Variants in MYO7B observed in about 807,000 individuals in gnomAD.
MYO7B encodes the protein unconventional myosin-VIIb.
A neutral mutation model predicts 259.7 loss-of-function variants in MYO7B; 212 were observed. The ratio of observed to expected loss-of-function variants is 0.82; its 90% CI spans 0.73 to 0.91. The LOEUF (loss-of-function observed/expected upper bound fraction) is 0.91, where lower values mean the gene tolerates loss of function less well. MYO7B is among the 40% of genes least tolerant of loss of function. The probability of loss-of-function intolerance (pLI) is 0.00; values close to 1 mark genes in which losing one functional copy is unlikely to be tolerated. For missense variants in MYO7B, 2,732 were observed against 2,813.5 expected, an observed-to-expected ratio of 0.97 and a Z score of 0.66; for synonymous variants, 1,197 against 1,166.4, an observed-to-expected ratio of 1.03 and a Z score of -0.54.
chr2:127,552,265 G>A (rs1001528243), intron 1 of MYO7B, among the ~76,000 whole-genome samples: 17 of 152,174 alleles, frequency 1.1e-4, no homozygotes, highest in African/African-American at 3.9e-4. Flanking sequence ...CCATTTACAA[G>A]TTTTGATCTG....
rs747220212 is a variant in MYO7B at position 127,625,507 on chromosome 2, C to T, written c.4187C>T (p.Ala1396Val). 10 of 1,605,170 alleles carry T rather than the reference C, an allele frequency of 6.2e-6. No individual in the cohort carries two copies. The highest frequency in any genetic ancestry group is 5.4e-5 in the African/African-American group (4 of 74,580). ...LYRTKPPDRW[A>V]SLVTAACAKA... The stretch of plus-strand genomic sequence containing the variant: ...AGGACCAAGCCCCCAGACAGGTGGG[C>T]GAGCCTCGTCACTGCCGCCTGCGCC... Residue 1396 changes from alanine (A) to valine (V), a missense_variant, in exon 31 of 48, where the codon GCG becomes GTG. Around this residue, in one of 3 missense-constraint regions of MYO7B, gnomAD observed 1,906 missense variants for 2,026.4 expected, o/e 0.94. Transcript: ENST00000409816.
rs550572600 is a variant in MYO7B, at chr2:127,597,060, A to G, written c.2339+504A>G. Among the ~76,000 whole-genome samples, 1 of 152,344 alleles carries G rather than the reference A, an allele frequency of 6.6e-6. No individual in the cohort carries two copies. The highest frequency in any genetic ancestry group is 1.9e-4 in the East Asian group (1 of 5,182). On this transcript the variant is annotated intron_variant, in intron 19 of 47. Coordinates refer to ENST00000409816, the MANE Select transcript of MYO7B (RefSeq NM_001393586.1). This position sits in a 1 kb window ranked among gnomAD's most constrained non-coding sequence, Gnocchi z 4.8. ...AAACCCAGGCATGAGAAAGTAGAAG[A>G]CAGCCAGCCCCGGGAATAGAGAATG...
rs940386151 is a variant in MYO7B at position 127,597,929 on chromosome 2, C to T, written c.2339+1373C>T. On this transcript the variant is annotated intron_variant, in intron 19 of 47. Transcript: ENST00000409816. The surrounding 1 kb of genome is among the most constrained non-coding windows in gnomAD (Gnocchi z 4.8). ...CTGGGATTGCAGGTGTGAGCCACTG[C>T]GCCCAGCCAGTATTTTGTTACTTTT... Among the ~76,000 whole-genome samples, 20 of 152,212 alleles carry T rather than the reference C, an allele frequency of 1.3e-4. No homozygotes were observed. Among genetic ancestry groups the T allele is most frequent in the African/African-American group, 3.6e-4 (15 of 41,542 alleles).
At chr2:127,558,787 G>A (rs962047151) in intron 1 of MYO7B, among the ~76,000 whole-genome samples, 6 of 152,130 alleles carry the variant, frequency 3.9e-5, no homozygotes, top group Admixed American at 6.6e-5. Flanking sequence ...GAAGTAACTC[G>A]GGAATGGAAA....
chr2:127,626,398 C>G (rs1233037406), intron 31 of MYO7B: 1 of 153,762 alleles, frequency 6.5e-6, no homozygotes, highest in African/African-American at 2.4e-5. Context: ...CCACAGCTAG[C>G]GCAGCCCCGC....
At position 127,590,996 on chromosome 2, in the gene MYO7B, A is replaced by G. The variant is rs1254212091; in HGVS notation, c.1992+767A>G. Among the ~76,000 whole-genome samples the G allele has an allele frequency of 6.6e-6, 1 of 152,214 alleles. No homozygotes were observed. The highest frequency in any genetic ancestry group is 1.5e-5 in the Non-Finnish European group (1 of 68,028). ...ATTGCTTGAGGCAAGCCTGGGCAACATAGTAAGACCTTATCTCTGCAAAAA... is the reference window on the plus strand; with the variant it reads ...ATTGCTTGAGGCAAGCCTGGGCAACGTAGTAAGACCTTATCTCTGCAAAAA... On this transcript the variant is annotated intron_variant, in intron 16 of 47. Coordinates refer to ENST00000409816, the MANE Select transcript of MYO7B (RefSeq NM_001393586.1). The surrounding 1 kb of genome is among the most constrained non-coding windows in gnomAD (Gnocchi z 4.6).
chr2:127,633,388 G>C (rs376432959), intron 40 of MYO7B, 25 bp downstream of exon 40: 1 of 1,607,390 alleles, frequency 6.2e-7, no homozygotes, highest in Non-Finnish European at 8.5e-7. Flanking sequence ...TGGTCTGCAC[G>C]GCAAGTCTCA....
In MYO7B at chr2:127,582,529, G is replaced by C. The variant is rs184895813; in HGVS notation, c.1343+83G>C. On this transcript the variant is annotated intron_variant, in intron 12 of 47. Transcript: ENST00000409816. ...CCTCTCGAAGGGGGCAAGTTGGAGGGGAGCCGTCACCCTGCACCCAGGCCT... is the reference window on the plus strand; with the variant it reads ...CCTCTCGAAGGGGGCAAGTTGGAGGCGAGCCGTCACCCTGCACCCAGGCCT... The C allele has an allele frequency of 4.3e-4, 642 of 1,506,736 alleles. 7 individuals are homozygous for C. The African/African-American group carries it at 7.9e-3, about 18-fold the overall frequency. 93.3% of individuals were successfully genotyped at this position (1,506,736 alleles called of 1,614,324 possible).
rs548814846 is a variant in MYO7B, at chr2:127,539,476, G to T, written c.-24+3645G>T. ...TTTCCTGTTGCAATGTCATGAAGGG[G>T]ATAAAAAGGGAGAAAACGACATTGG... is the stretch of plus-strand genomic sequence containing the variant. On this transcript the variant is annotated intron_variant, in intron 1 of 47. Transcript: ENST00000409816. The surrounding 1 kb of genome is among the most constrained non-coding windows in gnomAD (Gnocchi z 4.0). Among the ~76,000 whole-genome samples the T allele has an allele frequency of 1.2e-4, 19 of 152,286 alleles. No homozygotes were observed. In the East Asian group the frequency reaches 3.1e-3, roughly 25 times the overall value.
Position 127,573,991 on chromosome 2 carries a change from A to C in MYO7B, c.664A>C (p.Asn222His), listed in dbSNP as rs763741995. Reference sequence around the variant, plus strand: ...TGGGAAGTACATTGACATCTACTTTAACCCCAGCGGGGTGATCGAGGGCGC... The same window carrying C: ...TGGGAAGTACATTGACATCTACTTTCACCCCAGCGGGGTGATCGAGGGCGC... The part of the protein sequence containing the change: ...RFGKYIDIYF[N>H]PSGVIEGARI... Residue 222 changes from asparagine (N) to histidine (H), a missense_variant, in exon 7 of 48, where the codon AAC (asparagine) becomes CAC (histidine). Asn to His is a moderately conservative substitution (Grantham distance 68, BLOSUM62 1). This residue lies in a region of MYO7B where 1,906 missense variants were observed against 2,026.4 expected (regional missense o/e 0.94). Coordinates refer to ENST00000409816, the MANE Select transcript of MYO7B (RefSeq NM_001393586.1). The C allele has an allele frequency of 6.2e-7, 1 of 1,614,036 alleles. No individual in the cohort carries two copies. Among genetic ancestry groups the C allele is most frequent in the Non-Finnish European group, 8.5e-7 (1 of 1,179,890 alleles).
At chr2:127,551,555 G>A (rs1025887442) in intron 1 of MYO7B, among the ~76,000 whole-genome samples, 13 of 152,206 alleles carry the variant, frequency 8.5e-5, no homozygotes, top group Non-Finnish European at 1.9e-4. Flanking sequence ...GTCCACACTC[G>A]AGATGGGGTG....
chr2:127,623,681 G>C (rs774663514), intron 29 of MYO7B, among the ~76,000 whole-genome samples: 11 of 152,106 alleles, frequency 7.2e-5, no homozygotes, highest in Non-Finnish European at 1.5e-4. Flanking sequence ...CCAGTCTCCT[G>C]CTCCAAACTC....
chr2:127,634,316 G>T lies in MYO7B; in HGVS notation c.5625+27G>T, dbSNP rs141096368. On this transcript the variant is annotated intron_variant, in intron 41 of 47. Transcript: ENST00000409816. ...TGGGCCGGGCTGGGGCTGGGCAGAC[G>T]GTGGGCGGACGGGCAGTGAGCGAGG... 2.7e-3 allele frequency: 4,037 copies of T among 1,508,044 alleles called. 12 individuals are homozygous for T. The highest frequency in any genetic ancestry group is 3.2e-3 in the Non-Finnish European group (3,592 of 1,117,570). The allele number at this position is 1,508,044 out of a possible 1,614,324, so 93.4% of individuals were successfully genotyped here. A position where few individuals can be genotyped will look rare whatever the true frequency, so the allele number is the denominator to read the frequency against.
In MYO7B at chr2:127,586,294, T is replaced by C. The variant is rs1573656372; in HGVS notation, c.1690+1381T>C. On this transcript the variant is annotated intron_variant, in intron 14 of 47. Transcript: ENST00000409816. The surrounding 1 kb of genome is among the most constrained non-coding windows in gnomAD (Gnocchi z 4.8). Reference sequence around the variant, plus strand: ...GTGAAGGCCTGGGGTGGTCACCCTATGGGTGTGCCAAGAAAAACGAGGAAG... The same window carrying C: ...GTGAAGGCCTGGGGTGGTCACCCTACGGGTGTGCCAAGAAAAACGAGGAAG... Among the ~76,000 whole-genome samples, 1 of 152,298 alleles carries C rather than the reference T, an allele frequency of 6.6e-6. No individual in the cohort carries two copies. The highest frequency in any genetic ancestry group is 1.9e-4 in the East Asian group (1 of 5,188).
intron 38 of MYO7B, 100 bp from the exon 39 acceptor site, chr2:127,632,146 G>C (rs1681549566): frequency 2.1e-6 from 3 of 1,397,102 alleles, no homozygotes; most frequent in Non-Finnish European, 2.9e-6. Context: ...GGGCCCTCTA[G>C]ACCCCAGGCA....
chr2:127,565,092 G>A (rs562874226), intron 3 of MYO7B, 141 bp from the exon 4 acceptor site: 12 of 1,041,106 alleles, frequency 1.2e-5, no homozygotes, highest in Admixed American at 4.7e-5. Context: ...GACCCTGGCC[G>A]GAGGCTGGCC....
chr2:127,624,037 C>A, intron 29 of MYO7B, 56 bp from the exon 30 acceptor site: 2 of 1,471,724 alleles, frequency 1.4e-6, no homozygotes, highest in Non-Finnish European at 9.2e-7. Flanking sequence ...GTGGGCGTCC[C>A]CGTGGGGTGG....
At chr2:127,633,452 AACC>A in intron 40 of MYO7B, 89 bp downstream of exon 40, 1 of 1,306,784 alleles carries the variant, frequency 7.7e-7, no homozygotes, top group Non-Finnish European at 1.1e-6. Context: ...GCTCCTTGGT[AACC>A]CCAGAGAGCC....
intron 17 of MYO7B, 36 bp from the exon 18 acceptor site, chr2:127,593,510 C>G (rs754912106): frequency 7.5e-6 from 12 of 1,595,758 alleles, no homozygotes; most frequent in Admixed American, 6.8e-5. Context: ...GGTCTCTGCC[C>G]CACCTCCCAC....
Sources: gnomAD v4.1 joint callset for allele counts (sites outside exome capture counted in the v4.1 genomes callset) on GRCh38, gnomAD v4.1.1 for gene constraint, gnomAD v4.1.1 regional missense constraint, Gnocchi (gnomAD v3.1) non-coding constraint, MANE v1.5 for transcripts, NCBI Gene and HGNC (gene_info 2026-07-23, HGNC 2026-07-21) for gene names.